EYS: variants seen among roughly 807,000 people sequenced by gnomAD.
EYS encodes the protein EGF-like photoreceptor maintenance factor, also known as protein eyes shut homolog.
A neutral mutation model predicts 282.1 loss-of-function variants in EYS; 250 were observed. The observed-to-expected ratio is 0.89, with a 90% CI of 0.80 to 0.98. The LOEUF (loss-of-function observed/expected upper bound fraction) is 0.98. EYS is among the 50% of genes least tolerant of loss of function. The pLI is 0.00. For missense variants in EYS, 4,016 were observed against 3,709.0 expected (o/e 1.08, Z -2.15); for synonymous variants, 1,355 against 1,282.9 (o/e 1.06, Z -1.20).
intron 12 of EYS, among the ~76,000 whole-genome samples, chr6:65,148,903 C>T (rs374268430): frequency 6.6e-6 from 1 of 152,126 alleles, no homozygotes; most frequent in African/African-American, 2.4e-5. Flanking sequence ...ATGGCCCAAG[C>T]TGTACCTTGG....
intron 36 of EYS, among the ~76,000 whole-genome samples, chr6:63,854,000 G>A (rs965618017): frequency 6.6e-6 from 1 of 152,174 alleles, no homozygotes; most frequent in African/African-American, 2.4e-5. Flanking sequence ...CTTTTACACT[G>A]TTGGTGGGAG....
At chr6:63,848,266 A>G (rs1039495283) in intron 36 of EYS, among the ~76,000 whole-genome samples, 2 of 152,064 alleles carry the variant, frequency 1.3e-5, no homozygotes, top group Non-Finnish European at 2.9e-5. Flanking sequence ...ACAATGTTTA[A>G]TCTTTTCCAC....
At chr6:65,442,018 A>G (rs1278515736) in intron 5 of EYS, among the ~76,000 whole-genome samples, 1 of 152,064 alleles carries the variant, frequency 6.6e-6, no homozygotes, top group East Asian at 1.9e-4. Context: ...CAAAAATATG[A>G]CTGTACTGTA....
chr6:64,132,066 T>G (rs1773996558), intron 31 of EYS, among the ~76,000 whole-genome samples: 1 of 152,164 alleles, frequency 6.6e-6, no homozygotes, highest in African/African-American at 2.4e-5. Flanking sequence ...GTATTCATTT[T>G]TATATTTCAT....
At chr6:64,772,842 G>T (rs1773564533) in intron 22 of EYS, among the ~76,000 whole-genome samples, 1 of 151,604 alleles carries the variant, frequency 6.6e-6, no homozygotes, top group South Asian at 2.1e-4. Flanking sequence ...ATATATCTTT[G>T]TTCTGTTGGT....
intron 28 of EYS, among the ~76,000 whole-genome samples, chr6:64,411,892 T>C (rs1003353404): frequency 2.0e-5 from 2 of 97,628 alleles, no homozygotes; most frequent in African/African-American, 7.1e-5. Flanking sequence ...TATATACACA[T>C]ATATATGTAT....
At chr6:65,120,085 G>A (rs1222606454) in intron 12 of EYS, among the ~76,000 whole-genome samples, 4 of 140,986 alleles carry the variant, frequency 2.8e-5, no homozygotes, top group Admixed American at 7.0e-5. Flanking sequence ...CCGGCAGGCA[G>A]AGCTTGCAGT....
At chr6:64,036,284 T>C (rs1043503977) in intron 33 of EYS, among the ~76,000 whole-genome samples, 3 of 152,036 alleles carry the variant, frequency 2.0e-5, no homozygotes, top group African/African-American at 7.2e-5. Flanking sequence ...GGGTGCAGAA[T>C]GGGGAGTGAG....
At chr6:65,331,075 T>C in intron 11 of EYS, 2 of 984,358 alleles carry the variant, frequency 2.0e-6, no homozygotes, top group South Asian at 4.7e-5. Context: ...TGTCATGTCA[T>C]ATGGTTCATC....
intron 33 of EYS, among the ~76,000 whole-genome samples, chr6:64,050,389 A>G (rs942813018): frequency 1.3e-5 from 2 of 152,214 alleles, no homozygotes; most frequent in Non-Finnish European, 2.9e-5. Context: ...CTAAAATTTC[A>G]TAATGTCAGA....
At chr6:64,725,167 T>C (rs73765305) in intron 22 of EYS, among the ~76,000 whole-genome samples, 5,919 of 152,248 alleles carry the variant, frequency 0.039, 399 homozygotes, top group African/African-American at 0.13. Context: ...TAGATGTTGC[T>C]TGTAATATGT....
chr6:65,688,243 T>C (rs759336896), intron 1 of EYS, among the ~76,000 whole-genome samples: 3 of 152,024 alleles, frequency 2.0e-5, no homozygotes, highest in East Asian at 1.9e-4. Context: ...AGATATAGAC[T>C]AATGGAACAG....
At chr6:63,823,189 C>T (rs1381613466) in intron 36 of EYS, among the ~76,000 whole-genome samples, 2 of 151,994 alleles carry the variant, frequency 1.3e-5, no homozygotes, top group East Asian at 3.9e-4. Flanking sequence ...ACCTTTTTCT[C>T]CCCCCTACAG....
chr6:64,079,480 A>G (rs764170517), intron 32 of EYS, among the ~76,000 whole-genome samples: 9 of 152,182 alleles, frequency 5.9e-5, no homozygotes, highest in Non-Finnish European at 1.3e-4. Flanking sequence ...AGAATGATGA[A>G]TCAATTTAGC....
intron 22 of EYS, among the ~76,000 whole-genome samples, chr6:64,658,383 T>A (rs543641460): frequency 3.2e-4 from 48 of 152,364 alleles, no homozygotes; most frequent in African/African-American, 1.2e-3. Flanking sequence ...AGCATTGTTC[T>A]GCTGCTGGTG....
chr6:64,049,115 G>C (rs1198075245), intron 33 of EYS, among the ~76,000 whole-genome samples: 1 of 152,148 alleles, frequency 6.6e-6, no homozygotes, highest in Non-Finnish European at 1.5e-5. Context: ...GTATTTAGCT[G>C]AATGGTAAGG....
At chr6:63,899,190 AG>A (rs749035131) in intron 35 of EYS, among the ~76,000 whole-genome samples, 6 of 152,226 alleles carry the variant, frequency 3.9e-5, no homozygotes, top group Non-Finnish European at 7.3e-5. Flanking sequence ...CTAAACATGA[AG>A]ATAATTCAAG....
intron 31 of EYS, among the ~76,000 whole-genome samples, chr6:64,186,324 A>G (rs1429880073): frequency 6.6e-6 from 1 of 152,092 alleles, no homozygotes; most frequent in Non-Finnish European, 1.5e-5. Context: ...ATGTTTAAAG[A>G]AAGTAATGTG....
chr6:64,665,719 C>T (rs907478779), intron 22 of EYS, among the ~76,000 whole-genome samples: 4 of 152,170 alleles, frequency 2.6e-5, no homozygotes, highest in East Asian at 3.8e-4. Flanking sequence ...GACCCCCTCC[C>T]GCTTTTCTTT....
Sources: allele counts gnomAD v4.1 joint callset (sites outside exome capture counted in the v4.1 genomes callset), GRCh38; gene constraint gnomAD v4.1.1; transcripts MANE v1.5; gene names NCBI Gene and HGNC (gene_info 2026-07-23, HGNC 2026-07-21).